FBXL4: variants seen among roughly 807,000 people sequenced by gnomAD.
The protein encoded by FBXL4 is F-box and leucine rich repeat protein 4, also known as F-box/LRR-repeat protein 4.
A neutral mutation model predicts 58.9 loss-of-function variants in FBXL4; 40 were observed. The observed-to-expected ratio is 0.68, with a 90% CI of 0.53 to 0.88. FBXL4 has a LOEUF of 0.88. Ranked by LOEUF, FBXL4 falls within the 40% of genes least tolerant of loss-of-function variation. FBXL4 has a pLI of 0.00. For missense variants in FBXL4, 676 were observed against 734.4 expected (o/e 0.92, Z 0.92); for synonymous variants, 263 against 265.5 (o/e 0.99, Z 0.09).
intron 7 of FBXL4, among the ~76,000 whole-genome samples, chr6:98,892,144 A>C (rs1771250914): frequency 6.6e-6 from 1 of 152,230 alleles, no homozygotes; most frequent in African/African-American, 2.4e-5. Flanking sequence ...TGTGATAATT[A>C]AACTTATTAT....
chr6:98,910,855 C>A (rs572038418), intron 5 of FBXL4, among the ~76,000 whole-genome samples: 7 of 152,238 alleles, frequency 4.6e-5, no homozygotes. Context: ...GCACCGTGCG[C>A]CAGCCGAAGC....
chr6:98,893,191 T>C (rs1771288059), intron 7 of FBXL4, among the ~76,000 whole-genome samples: 1 of 152,178 alleles, frequency 6.6e-6, no homozygotes, highest in South Asian at 2.1e-4. Context: ...AAAGACACTC[T>C]CATGCACTAT....
In FBXL4 at chr6:98,927,039, C is replaced by T. The variant is rs1222632647; in HGVS notation, c.-51G>A. 4 of 1,549,542 alleles carry T rather than the reference C, an allele frequency of 2.6e-6. No homozygotes were observed. Among genetic ancestry groups the T allele is most frequent in the Middle Eastern group, 1.7e-4 (1 of 5,786 alleles). ...AAGGTCAGGTGTCCTCAGTAAGATGCATGAACTCTTTGAAGGATGTTCTAA... is the reference window on the plus strand; with the variant it reads ...AAGGTCAGGTGTCCTCAGTAAGATGTATGAACTCTTTGAAGGATGTTCTAA... On this transcript the variant is annotated 5_prime_UTR_variant, in exon 4 of 10. An upstream start codon of the reference 5' UTR is lost. Transcript: ENST00000369244.
intron 6 of FBXL4, among the ~76,000 whole-genome samples, chr6:98,900,063 C>T (rs1041201323): frequency 1.3e-5 from 2 of 152,150 alleles, no homozygotes; most frequent in Non-Finnish European, 2.9e-5. Context: ...TGAAAATATT[C>T]AATTGCAGCT....
chr6:98,890,345 T>A (rs1462510510), intron 7 of FBXL4, among the ~76,000 whole-genome samples: 1 of 152,186 alleles, frequency 6.6e-6, no homozygotes, highest in African/African-American at 2.4e-5. Flanking sequence ...AGACTAGTTA[T>A]ATAACGTGAT....
At position 98,871,411 on chromosome 6, in the gene FBXL4, A is replaced by G. The variant is rs916903352; in HGVS notation, c.*2867T>C. 2.0e-5 allele frequency: 3 copies of G among 152,236 alleles called. No individual in the cohort carries two copies. The highest frequency in any genetic ancestry group is 4.4e-5 in the Non-Finnish European group (3 of 68,044). 9.4% of individuals were successfully genotyped at this position (152,236 alleles called of 1,614,324 possible). The stretch of plus-strand genomic sequence containing the variant: ...TTGCTTATTTGATAAGTCAATGCCA[A>G]CGTTGAAGTGACTGAAATTAGTCTC... On this transcript the variant is annotated 3_prime_UTR_variant, in exon 10 of 10. Coordinates refer to ENST00000369244, the MANE Select transcript of FBXL4 (RefSeq NM_001278716.2).
At chr6:98,905,797 T>G (rs970468115) in intron 5 of FBXL4, 127 bp from the exon 6 acceptor site, 33 of 925,422 alleles carry the variant, frequency 3.6e-5, no homozygotes, top group Admixed American at 5.5e-5. Context: ...ACATAGTAAA[T>G]AAACATCCAA....
At chr6:98,891,480 T>TA (rs1771223433) in intron 7 of FBXL4, among the ~76,000 whole-genome samples, 2 of 152,332 alleles carry the variant, frequency 1.3e-5, no homozygotes, top group South Asian at 4.1e-4. Context: ...AGCCTATTTT[T>TA]ATCACTGTAT....
At chr6:98,927,215 A>G in intron 3 of FBXL4, among the ~76,000 whole-genome samples, 155 bp from the exon 4 acceptor site, 1 of 152,340 alleles carries the variant, frequency 6.6e-6, no homozygotes, top group South Asian at 2.1e-4. Flanking sequence ...TGGTATAAAT[A>G]AATTTTCTAA....
chr6:98,937,537 T>G (rs1773267013), intron 1 of FBXL4, among the ~76,000 whole-genome samples: 1 of 152,124 alleles, frequency 6.6e-6, no homozygotes, highest in African/African-American at 2.4e-5. Context: ...AGGTCTTCGA[T>G]CTGATCTTCA....
chr6:98,877,611 CT>C (rs920961063), intron 8 of FBXL4, among the ~76,000 whole-genome samples: 1 of 152,056 alleles, frequency 6.6e-6, no homozygotes, highest in African/African-American at 2.4e-5. Flanking sequence ...ATGCAGGACT[CT>C]TTTTTCCCCA....
intron 1 of FBXL4, among the ~76,000 whole-genome samples, chr6:98,943,570 ACT>A (rs1318514746): frequency 4.0e-5 from 4 of 98,848 alleles, no homozygotes; most frequent in African/African-American, 1.9e-4. Flanking sequence ...ACAGAGCAAG[ACT>A]CTGTCTCAAA....
At chr6:98,885,503 G>GCT (rs1295352207) in intron 7 of FBXL4, among the ~76,000 whole-genome samples, 1 of 152,192 alleles carries the variant, frequency 6.6e-6, no homozygotes. Flanking sequence ...GGCCTCATCT[G>GCT]ATCAGCTGAA....
intron 1 of FBXL4, among the ~76,000 whole-genome samples, chr6:98,946,328 T>C (rs952875510): frequency 3.3e-5 from 5 of 152,208 alleles, no homozygotes; most frequent in South Asian, 2.1e-4. Flanking sequence ...CCTTCTTATC[T>C]CACATTAAAT....
chr6:98,917,787 G>A lies in FBXL4; in HGVS notation c.513-68C>T. On this transcript the variant is annotated intron_variant, in intron 4 of 9. Transcript: ENST00000369244. ...GATCTACTGGTCCCTTAAGGTTATA[G>A]ACCCATGCCCAATATGTCACAGTGT... 2 of 1,117,848 alleles carry A rather than the reference G, an allele frequency of 1.8e-6. 1 individual carries two copies. The highest frequency in any genetic ancestry group is 3.3e-5 in the South Asian group (2 of 61,340). 69.2% of individuals were successfully genotyped at this position (1,117,848 alleles called of 1,614,324 possible). A position where few individuals can be genotyped will look rare whatever the true frequency, so the allele number is the denominator to read the frequency against.
At chr6:98,917,979 T>C (rs1772435639) in intron 4 of FBXL4, among the ~76,000 whole-genome samples, 1 of 152,188 alleles carries the variant, frequency 6.6e-6, no homozygotes. Flanking sequence ...CTGGAACATG[T>C]AGTTAGAGGT....
intron 7 of FBXL4, among the ~76,000 whole-genome samples, chr6:98,887,027 C>G (rs1771064098): frequency 6.6e-6 from 1 of 152,054 alleles, no homozygotes; most frequent in African/African-American, 2.4e-5. Context: ...GGAGGGAGGA[C>G]AGCTTGAGCC....
intron 5 of FBXL4, among the ~76,000 whole-genome samples, chr6:98,906,174 T>TAAA (rs548854461): frequency 8.1e-6 from 1 of 123,942 alleles, no homozygotes. Flanking sequence ...CACTCAGCTT[T>TAAA]AAAAAAAAAA....
At chr6:98,940,946 T>C (rs550031029) in intron 1 of FBXL4, among the ~76,000 whole-genome samples, 18 of 152,254 alleles carry the variant, frequency 1.2e-4, no homozygotes, top group African/African-American at 3.9e-4. Flanking sequence ...GATACCAAAT[T>C]AGATTCTGCA....
Sources: gnomAD v4.1 joint callset for allele counts (sites outside exome capture counted in the v4.1 genomes callset) on GRCh38, gnomAD v4.1.1 for gene constraint, MANE v1.5 for transcripts, NCBI Gene and HGNC (gene_info 2026-07-23, HGNC 2026-07-21) for gene names.